Variants in CLEC1A observed in about 807,000 individuals in gnomAD.
CLEC1A encodes the protein C-type lectin-like receptor-1.
Under a neutral mutation model 28.7 loss-of-function variants are expected in CLEC1A, and 34 were observed. That is an observed-to-expected ratio of 1.18 (90% CI 0.90 to 1.57). The LOEUF is 1.57. Among genes scored for constraint, CLEC1A ranks in the 40% most tolerant of loss-of-function variants. The pLI, the probability that CLEC1A is intolerant of heterozygous loss-of-function variation, is 0.00. For synonymous variants in CLEC1A, 116 were observed against 121.0 expected, an observed-to-expected ratio of 0.96 and a Z score of 0.27; for missense variants, 385 against 339.5, an observed-to-expected ratio of 1.13 and a Z score of -1.05.
intron 2 of CLEC1A, among the ~76,000 whole-genome samples, chr12:10,085,687 T>TA (rs1237186028): frequency 2.6e-5 from 4 of 151,878 alleles, no homozygotes; most frequent in African/African-American, 9.7e-5. Flanking sequence ...CTACTAGACC[T>TA]AAAAAAATGA....
chr12:10,084,812 A>T (rs1413448841), intron 2 of CLEC1A, among the ~76,000 whole-genome samples: 1 of 99,832 alleles, frequency 1.0e-5, no homozygotes, highest in East Asian at 2.6e-4. Context: ...ACAGAGTGAG[A>T]CTCTGTATCA....
chr12:10,081,313 G>A lies in CLEC1A; in HGVS notation c.315C>T (p.Val105=). ...NTSQELQSLQ[V]QNIKLAGSLQ... ...GACTTCCTGCAAGCTTTATATTCTG[G>A]ACTTGAAGAGATTGCAACTCTTGGG... Residue 105 remains valine (V), a synonymous_variant, in exon 3 of 6, where the codon GTC becomes GTT. Transcript: ENST00000315330. 6.2e-7 allele frequency: 1 copy of A among 1,613,336 alleles called. No individual in the cohort carries two copies. The highest frequency in any genetic ancestry group is 8.5e-7 in the Non-Finnish European group (1 of 1,179,626).
At position 10,098,861 on chromosome 12, in the gene CLEC1A, C is replaced by T; in HGVS notation, c.62G>A (p.Ser21Asn). ...TGTGGCAGAGCCTTGAGAATGCAGG[C>T]TCATGGTGGTGTCCCCATCATCATC... ...MLDDDGDTTM[S>N]LHSQGSATTR... Residue 21 changes from serine to asparagine, a missense_variant, in exon 1 of 6, where the codon AGC (serine) becomes AAC (asparagine). By Grantham distance (46) the Ser-to-Asn change is conservative (BLOSUM62 1). Transcript: ENST00000315330. 2 of 1,613,626 alleles carry T rather than the reference C, an allele frequency of 1.2e-6. No individual in the cohort carries two copies. The highest frequency in any genetic ancestry group is 1.7e-6 in the Non-Finnish European group (2 of 1,179,826).
At chr12:10,087,457 G>T (rs1459050261) in intron 2 of CLEC1A, among the ~76,000 whole-genome samples, 2 of 109,004 alleles carry the variant, frequency 1.8e-5, no homozygotes, top group Non-Finnish European at 3.4e-5. Context: ...GGCATATAAA[G>T]GACATACCTC....
intron 3 of CLEC1A, 43 bp downstream of exon 3, chr12:10,081,192 CTG>C: frequency 1.4e-6 from 2 of 1,458,592 alleles, no homozygotes; most frequent in Non-Finnish European, 1.8e-6. Flanking sequence ...ATCCATCTCT[CTG>C]TTTCCAGACA....
rs1446903421 is a variant in CLEC1A, at chr12:10,098,880, C to A, written c.43G>T (p.Asp15Tyr). 2 of 1,613,642 alleles carry A rather than the reference C, an allele frequency of 1.2e-6. No individual in the cohort carries two copies. The highest frequency in any genetic ancestry group is 1.7e-6 in the Non-Finnish European group (2 of 1,179,832). ...TGCAGGCTCATGGTGGTGTCCCCAT[C>A]ATCATCCAGCATGTCCCTCGTGCTG... ...YSSTRDMLDDDGDTTMSLHSQ... is the reference protein window; with the variant it reads ...YSSTRDMLDDYGDTTMSLHSQ... Residue 15 changes from aspartate (D) to tyrosine (Y), a missense_variant, in exon 1 of 6, where the codon GAT becomes TAT. Coordinates refer to ENST00000315330, the MANE Select transcript of CLEC1A (RefSeq NM_016511.4).
At chr12:10,077,827 T>C (rs1866285837) in intron 3 of CLEC1A, among the ~76,000 whole-genome samples, 1 of 152,146 alleles carries the variant, frequency 6.6e-6, no homozygotes, top group African/African-American at 2.4e-5. Flanking sequence ...GCAAAAGGAA[T>C]GTAAGTCTGT....
intron 1 of CLEC1A, among the ~76,000 whole-genome samples, chr12:10,096,594 A>G (rs1369028283): frequency 2.0e-5 from 3 of 152,080 alleles, no homozygotes; most frequent in African/African-American, 7.2e-5. Context: ...TAACTATTGA[A>G]TAGAATTAAA....
intron 5 of CLEC1A, among the ~76,000 whole-genome samples, chr12:10,072,640 C>G (rs1318395815): frequency 1.3e-5 from 2 of 151,558 alleles, no homozygotes; most frequent in East Asian, 3.9e-4. Context: ...AAAGATCTCT[C>G]TCTCTCTCTC....
At chr12:10,092,931 C>T (rs971746539) in intron 1 of CLEC1A, among the ~76,000 whole-genome samples, 6 of 152,152 alleles carry the variant, frequency 3.9e-5, no homozygotes, top group Non-Finnish European at 7.4e-5. Context: ...CTTTCTCTCT[C>T]TCTCTTTTTC....
In CLEC1A at chr12:10,081,367, A is replaced by C; in HGVS notation, c.261T>G (p.Ser87=). ...QLSNTGQDTI[S]QMEERLGNTS... ...TATTTCCTAATCTTTCTTCCATTTG[A>C]GAAATGGTGTCTTGACCAGTATTGG... is the stretch of plus-strand genomic sequence containing the variant. The change falls in exon 3 of 6, where the codon TCT becomes TCG. Residue 87 remains serine (S), a synonymous_variant. Transcript: ENST00000315330. 1 of 1,613,118 alleles carries C rather than the reference A, an allele frequency of 6.2e-7. No individual in the cohort carries two copies. Among genetic ancestry groups the C allele is most frequent in the African/African-American group, 1.3e-5 (1 of 74,840 alleles).
intron 4 of CLEC1A, 118 bp downstream of exon 4, chr12:10,075,386 T>C (rs1866228332): frequency 9.6e-7 from 1 of 1,038,698 alleles, no homozygotes; most frequent in African/African-American, 1.6e-5. Flanking sequence ...CAGGCCCTGA[T>C]CGAAACAGGT....
At chr12:10,074,829 C>A (rs879723126) in intron 4 of CLEC1A, among the ~76,000 whole-genome samples, 1 of 152,028 alleles carries the variant, frequency 6.6e-6, no homozygotes, top group Non-Finnish European at 1.5e-5. Context: ...ATTAAATAAC[C>A]CTTTGTTGAT....
intron 1 of CLEC1A, among the ~76,000 whole-genome samples, 192 bp downstream of exon 1, chr12:10,098,616 A>C (rs775761298): frequency 6.6e-6 from 1 of 151,742 alleles, no homozygotes; most frequent in Non-Finnish European, 1.5e-5. Context: ...AGGAAATAAA[A>C]TCCTTCTCTA....
In CLEC1A at chr12:10,081,300, G is replaced by C; in HGVS notation, c.328C>G (p.Leu110Val). ...GCCACATGCTGCAGACTTCCTGCAA[G>C]CTTTATATTCTGGACTTGAAGAGAT... is the stretch of plus-strand genomic sequence containing the variant. ...LQSLQVQNIK[L>V]AGSLQHVAEK... Residue 110 changes from leucine to valine, a missense_variant, in exon 3 of 6, where the codon CTT (leucine) becomes GTT (valine). Physicochemically the swap from Leu to Val is conservative, Grantham distance 32 (BLOSUM62 1). Coordinates refer to ENST00000315330, the MANE Select transcript of CLEC1A (RefSeq NM_016511.4). The C allele has an allele frequency of 6.2e-7, 1 of 1,613,008 alleles. No homozygotes were observed. The highest frequency in any genetic ancestry group is 1.7e-5 in the Admixed American group (1 of 59,900).
intron 4 of CLEC1A, among the ~76,000 whole-genome samples, chr12:10,074,523 AC>A: frequency 6.6e-6 from 1 of 152,202 alleles, no homozygotes; most frequent in Non-Finnish European, 1.5e-5. Context: ...ACAATTTCCT[AC>A]CACGTGATAT....
intron 3 of CLEC1A, among the ~76,000 whole-genome samples, chr12:10,080,269 T>C (rs531562865): frequency 6.6e-6 from 1 of 152,212 alleles, no homozygotes; most frequent in Non-Finnish European, 1.5e-5. Flanking sequence ...GCCGAGATCG[T>C]GTCACTGCCT....
At chr12:10,097,764 T>G (rs1947796510) in intron 1 of CLEC1A, among the ~76,000 whole-genome samples, 1 of 152,218 alleles carries the variant, frequency 6.6e-6, no homozygotes, top group Admixed American at 6.5e-5. Context: ...AAATGGACTC[T>G]TCGTAAGTTT....
chr12:10,081,548 T>C, intron 2 of CLEC1A, 135 bp from the exon 3 acceptor site: 1 of 465,916 alleles, frequency 2.1e-6, no homozygotes, highest in Non-Finnish European at 3.6e-6. Flanking sequence ...ATATTCAAGT[T>C]TGGACTCTAG....
Sources: allele counts gnomAD v4.1 joint callset (sites outside exome capture counted in the v4.1 genomes callset), GRCh38; gene constraint gnomAD v4.1.1; transcripts MANE v1.5; gene names NCBI Gene and HGNC (gene_info 2026-07-23, HGNC 2026-07-21).